The following ABCB5 variants were observed in gnomAD, a reference collection of about 807,000 sequenced individuals.
ABCB5 encodes ATP binding cassette subfamily B member 5.
ABCB5 carries 155 observed loss-of-function variants against 144.2 expected under a neutral mutation model. That is an observed-to-expected ratio of 1.08 (90% CI 0.94 to 1.23). The LOEUF is 1.23. ABCB5 is among the 50% of genes most tolerant of loss of function. The probability of loss-of-function intolerance (pLI) is 0.00; values close to 1 mark genes in which losing one functional copy is unlikely to be tolerated. For missense variants in ABCB5, 1,830 were observed against 1,520.8 expected, an observed-to-expected ratio of 1.20 and a Z score of -3.38; for synonymous variants, 610 against 528.6, an observed-to-expected ratio of 1.15 and a Z score of -2.11.
chr7:20,670,373 T>TA lies in ABCB5; in HGVS notation c.1708-11125dup, dbSNP rs35195169. Among the ~76,000 whole-genome samples, 506 of 118,290 alleles carry TA rather than the reference T, an allele frequency of 4.3e-3. 5 individuals carry two copies. The highest frequency in any genetic ancestry group is 0.012 in the African/African-American group (333 of 27,164). The allele number at this position is 118,290 out of a possible 152,430, so 77.6% of individuals were successfully genotyped here. A position where few individuals can be genotyped will look rare whatever the true frequency, so the allele number is the denominator to read the frequency against. On this transcript the variant is annotated intron_variant, in intron 14 of 27. Coordinates refer to ENST00000404938, the MANE Select transcript of ABCB5 (RefSeq NM_001163941.2). ...TTTTTCTGTAAATCTAAAGCTATTC[T>TA]AAAAAAAGAAAAAGAAAAAAAAAAG...
At chr7:20,703,914 C>G (rs1256950948) in intron 19 of ABCB5, among the ~76,000 whole-genome samples, 1 of 152,088 alleles carries the variant, frequency 6.6e-6, no homozygotes, top group Non-Finnish European at 1.5e-5. Context: ...CTTTTAGCTT[C>G]TCACAACGCC....
chr7:20,700,165 T>G (rs1786571101), intron 19 of ABCB5, 30 bp downstream of exon 19: 2 of 1,502,936 alleles, frequency 1.3e-6, no homozygotes, highest in South Asian at 2.6e-5. Context: ...TTTTTTTATT[T>G]TATTTAAAAT....
chr7:20,634,971 T>C (rs1562530365), intron 5 of ABCB5, among the ~76,000 whole-genome samples: 2 of 152,150 alleles, frequency 1.3e-5, no homozygotes, highest in Non-Finnish European at 2.9e-5. Context: ...TCATGAATAC[T>C]TTGTCAAGGC....
chr7:20,627,930 TAA>T (rs901285997), intron 3 of ABCB5, among the ~76,000 whole-genome samples: 14 of 152,196 alleles, frequency 9.2e-5, no homozygotes, highest in African/African-American at 3.4e-4. Flanking sequence ...CCAAATGGAA[TAA>T]AGTTTCTGAT....
intron 1 of ABCB5, among the ~76,000 whole-genome samples, chr7:20,622,111 T>C (rs1006850558): frequency 6.6e-6 from 1 of 152,150 alleles, no homozygotes; most frequent in African/African-American, 2.4e-5. Flanking sequence ...TCATTATTTA[T>C]TGAGAATAGA....
chr7:20,669,090 C>A (rs369504554), intron 14 of ABCB5, among the ~76,000 whole-genome samples: 3 of 134,746 alleles, frequency 2.2e-5, no homozygotes, highest in East Asian at 2.3e-4. Context: ...CCGCCCCGTC[C>A]GGGAGGATGG....
chr7:20,690,530 G>C (rs146519596), intron 16 of ABCB5, among the ~76,000 whole-genome samples: 20 of 152,298 alleles, frequency 1.3e-4, no homozygotes, highest in Non-Finnish European at 2.2e-4. Flanking sequence ...CTGCATTAGA[G>C]GGTCTTATTC....
intron 5 of ABCB5, among the ~76,000 whole-genome samples, chr7:20,634,715 C>G (rs555900549): frequency 1.3e-5 from 2 of 152,122 alleles, no homozygotes; most frequent in South Asian, 4.1e-4. Flanking sequence ...AGTGTCTGCT[C>G]ATGTCTTTTG....
intron 4 of ABCB5, among the ~76,000 whole-genome samples, chr7:20,629,141 A>G (rs1185907563): frequency 3.2e-5 from 2 of 62,922 alleles, no homozygotes; most frequent in Non-Finnish European, 6.8e-5. Flanking sequence ...AGAGAGAGAG[A>G]CTGCGTGTGT....
At chr7:20,716,995 G>A (rs1781694482) in intron 20 of ABCB5, among the ~76,000 whole-genome samples, 1 of 152,084 alleles carries the variant, frequency 6.6e-6, no homozygotes. Flanking sequence ...ACAAAGCCCA[G>A]GCTTACAAGC....
intron 14 of ABCB5, chr7:20,660,216 G>A (rs1784959285): frequency 4.1e-6 from 4 of 984,826 alleles, no homozygotes; most frequent in Non-Finnish European, 4.8e-6. Context: ...CAGAATGTTT[G>A]TAAACTGATT....
chr7:20,744,728 G>A (rs1222206376), intron 25 of ABCB5, among the ~76,000 whole-genome samples: 2 of 151,694 alleles, frequency 1.3e-5, no homozygotes, highest in African/African-American at 2.4e-5. Flanking sequence ...AAACCTGTAC[G>A]TTGTGCACAT....
chr7:20,720,831 C>A (rs1407820049), intron 20 of ABCB5, among the ~76,000 whole-genome samples: 1 of 149,898 alleles, frequency 6.7e-6, no homozygotes, highest in African/African-American at 2.5e-5. Context: ...GTAGTCCCAG[C>A]TACACGGGAG....
At chr7:20,624,610 T>G (rs1420672961) in intron 2 of ABCB5, among the ~76,000 whole-genome samples, 1 of 151,796 alleles carries the variant, frequency 6.6e-6, no homozygotes, top group Admixed American at 6.6e-5. Flanking sequence ...GTGAAATTAG[T>G]GAGATATAGG....
chr7:20,656,007 T>A (rs1784778803), intron 13 of ABCB5, among the ~76,000 whole-genome samples: 1 of 152,204 alleles, frequency 6.6e-6, no homozygotes, highest in Non-Finnish European at 1.5e-5. Flanking sequence ...ACTAAGTTAA[T>A]TTTTGACAAG....
At chr7:20,724,967 C>A (rs192774344) in intron 21 of ABCB5, among the ~76,000 whole-genome samples, 1 of 152,082 alleles carries the variant, frequency 6.6e-6, no homozygotes, top group Non-Finnish European at 1.5e-5. Flanking sequence ...GTTTAGACCT[C>A]CTTGTCTAAT....
At chr7:20,619,979 A>G (rs1783775083) in intron 1 of ABCB5, among the ~76,000 whole-genome samples, 1 of 152,076 alleles carries the variant, frequency 6.6e-6, no homozygotes. Flanking sequence ...TCAGATGGCT[A>G]TGGGTGCCCT....
At chr7:20,718,972 G>A (rs572387452) in intron 20 of ABCB5, among the ~76,000 whole-genome samples, 304 of 152,050 alleles carry the variant, frequency 2.0e-3, no homozygotes, top group Admixed American at 3.2e-3. Context: ...TTTTAATAAC[G>A]AAAGCAACCC....
chr7:20,739,785 G>C (rs1490686128), intron 24 of ABCB5, among the ~76,000 whole-genome samples: 3 of 151,522 alleles, frequency 2.0e-5, no homozygotes, highest in Non-Finnish European at 4.4e-5. Flanking sequence ...ATTTTTCATG[G>C]GAAATATATT....
Sources: allele counts gnomAD v4.1 joint callset (sites outside exome capture counted in the v4.1 genomes callset), GRCh38; gene constraint gnomAD v4.1.1; transcripts MANE v1.5; gene names NCBI Gene and HGNC (gene_info 2026-07-23, HGNC 2026-07-21).